Variants in SGCD observed in about 807,000 individuals in gnomAD.
SGCD encodes the protein delta-sarcoglycan.
Under a neutral mutation model 36.6 loss-of-function variants are expected in SGCD, and 18 were observed. The ratio of observed to expected loss-of-function variants is 0.49; its 90% CI spans 0.34 to 0.73. The LOEUF (loss-of-function observed/expected upper bound fraction) is 0.73, where lower values mean the gene tolerates loss of function less well. SGCD is among the 30% of genes least tolerant of loss of function. The pLI is 0.01. For synonymous variants in SGCD, 133 were observed against 130.6 expected (o/e 1.02, Z -0.12); for missense variants, 387 against 346.7 (o/e 1.12, Z -0.92).
chr5:156,523,528 A>G (rs1033042192), intron 4 of SGCD, among the ~76,000 whole-genome samples: 1 of 152,182 alleles, frequency 6.6e-6, no homozygotes, highest in African/African-American at 2.4e-5. Context: ...GACAGAAGTT[A>G]CAAACTGAAT....
the SGCD span, among the ~76,000 whole-genome samples, chr5:155,817,922 A>G: frequency 6.6e-6 from 1 of 152,224 alleles, no homozygotes; most frequent in Non-Finnish European, 1.5e-5. Context: ...GCTGAGTTCA[A>G]ATTGTAAGTT....
At chr5:156,308,267 G>C (rs1280180187) in intron 3 of SGCD, among the ~76,000 whole-genome samples, 1 of 151,408 alleles carries the variant, frequency 6.6e-6, no homozygotes, top group Non-Finnish European at 1.5e-5. Flanking sequence ...CATGGTGGCA[G>C]GAGAGAAAGA....
Position 156,413,092 on chromosome 5 carries a change from C to T in SGCD, c.192+68415C>T, listed in dbSNP as rs543592381. On this transcript the variant is annotated intron_variant, in intron 3 of 8. Transcript: ENST00000337851. ...GATTACAGGCGTGAGCCACCGCGCC[C>T]GGCCGCAGGGTTGGTTCTTGTTCTC... Among the ~76,000 whole-genome samples the T allele has an allele frequency of 9.6e-4, 145 of 151,770 alleles. 1 individual carries two copies. The highest frequency in any genetic ancestry group is 3.4e-3 in the African/African-American group (141 of 41,410).
intron 3 of SGCD, among the ~76,000 whole-genome samples, chr5:156,373,730 T>A (rs968464719): frequency 2.0e-5 from 3 of 152,184 alleles, no homozygotes; most frequent in Non-Finnish European, 4.4e-5. Context: ...ACCACCTAAC[T>A]TAAGATATTT....
Position 156,094,637 on chromosome 5 carries a change from G to A in SGCD, c.-281-23241G>A, listed in dbSNP as rs1028869759. On this transcript the variant is annotated intron_variant, in intron 1 of 9. Transcript: ENST00000517913. ...ACAAATCATCTTTCTCTTAGTCTTGGGCTCATAGCTGTAAGCCCTTCAGTT... is the reference window on the plus strand; with the variant it reads ...ACAAATCATCTTTCTCTTAGTCTTGAGCTCATAGCTGTAAGCCCTTCAGTT... 3.3e-5 allele frequency among the ~76,000 whole-genome samples: 5 copies of A among 152,168 alleles called. No individual in the cohort carries two copies. The South Asian group carries it at 1.0e-3, about 32-fold the overall frequency.
chr5:156,720,382 C>T (rs2113777858), intron 7 of SGCD, among the ~76,000 whole-genome samples: 1 of 152,294 alleles, frequency 6.6e-6, no homozygotes, highest in African/African-American at 2.4e-5. Context: ...GACATTTAAG[C>T]ATACACCTGA....
intron 3 of SGCD, among the ~76,000 whole-genome samples, chr5:156,353,591 GTGAGTT>G (rs1255627428): frequency 6.6e-6 from 1 of 152,162 alleles, no homozygotes; most frequent in African/African-American, 2.4e-5. Flanking sequence ...TTAATATATT[GTGAGTT>G]TGAGTAGCAT....
the SGCD span, among the ~76,000 whole-genome samples, chr5:155,765,710 G>A: frequency 2.0e-5 from 3 of 152,100 alleles, no homozygotes; most frequent in Non-Finnish European, 4.4e-5. Context: ...CACTCACATG[G>A]AGGAGTAATT....
the SGCD span, among the ~76,000 whole-genome samples, chr5:155,729,794 C>T: frequency 6.6e-6 from 1 of 152,180 alleles, no homozygotes; most frequent in African/African-American, 2.4e-5. Context: ...TGCCTCCTGT[C>T]GGAAAACAGC....
At chr5:156,577,960 GGAGTGGTGAGAGAGGGCATCCC>G (rs1418780383) in intron 4 of SGCD, among the ~76,000 whole-genome samples, 3 of 152,182 alleles carry the variant, frequency 2.0e-5, no homozygotes, top group African/African-American at 7.2e-5. Flanking sequence ...ATGTTGAATA[GGAGTGGTGAGAGAGGGCATCCC>G]TGTTTTGTGC....
intron 3 of SGCD, among the ~76,000 whole-genome samples, chr5:156,296,713 G>A (rs1456423641): frequency 6.6e-6 from 1 of 152,024 alleles, no homozygotes; most frequent in Non-Finnish European, 1.5e-5. Flanking sequence ...CATAACATAT[G>A]GTTTATCCTG....
intron 7 of SGCD, among the ~76,000 whole-genome samples, chr5:156,685,686 T>C (rs1209127462): frequency 1.3e-5 from 2 of 152,198 alleles, no homozygotes; most frequent in African/African-American, 4.8e-5. Context: ...GTTGGGGAGA[T>C]AATGGGGATA....
At chr5:156,606,900 A>G (rs1761488655) in intron 6 of SGCD, among the ~76,000 whole-genome samples, 1 of 152,218 alleles carries the variant, frequency 6.6e-6, no homozygotes, top group Non-Finnish European at 1.5e-5. Context: ...TTGACTTTGT[A>G]TCCTGAGACT....
chr5:156,680,898 G>T (rs1244714462), intron 7 of SGCD, among the ~76,000 whole-genome samples: 1 of 152,136 alleles, frequency 6.6e-6, no homozygotes, highest in African/African-American at 2.4e-5. Flanking sequence ...GGAGTGACTC[G>T]TTTCACTCAG....
intron 3 of SGCD, among the ~76,000 whole-genome samples, chr5:156,422,502 C>T (rs1773360242): frequency 6.6e-6 from 1 of 152,006 alleles, no homozygotes; most frequent in South Asian, 2.1e-4. Context: ...GGGAGCTACA[C>T]TTGAAATGCA....
At chr5:156,250,164 C>A (rs1042906608) in intron 3 of SGCD, among the ~76,000 whole-genome samples, 10 of 152,094 alleles carry the variant, frequency 6.6e-5, no homozygotes, top group African/African-American at 2.4e-4. Context: ...ATTTTGATTT[C>A]TTCTTTTTTG....
At chr5:156,258,348 T>C (rs1765765563) in intron 3 of SGCD, among the ~76,000 whole-genome samples, 1 of 152,192 alleles carries the variant, frequency 6.6e-6, no homozygotes, top group African/African-American at 2.4e-5. Flanking sequence ...CTCTAAATGA[T>C]CACTGCCTGG....
intron 1 of SGCD, among the ~76,000 whole-genome samples, chr5:156,077,182 C>T (rs1475699500): frequency 2.6e-5 from 4 of 152,062 alleles, no homozygotes; most frequent in Non-Finnish European, 2.9e-5. Context: ...AATATTTTGG[C>T]TTCAACTGCC....
At chr5:156,089,076 C>A (rs1761173345) in intron 1 of SGCD, among the ~76,000 whole-genome samples, 1 of 152,172 alleles carries the variant, frequency 6.6e-6, no homozygotes, top group Non-Finnish European at 1.5e-5. Context: ...AGTAGGCAGA[C>A]CTGGAAAGAG....
Sources: allele counts gnomAD v4.1 joint callset (sites outside exome capture counted in the v4.1 genomes callset), GRCh38; gene constraint gnomAD v4.1.1; transcripts MANE v1.5; gene names NCBI Gene and HGNC (gene_info 2026-07-23, HGNC 2026-07-21).